FBXL17: variants seen among roughly 807,000 people sequenced by gnomAD.
FBXL17 encodes F-box/LRR-repeat protein 17.
Under a neutral mutation model 66.2 loss-of-function variants are expected in FBXL17, and 22 were observed. That is an observed-to-expected ratio of 0.33 (90% CI 0.24 to 0.47). The LOEUF (loss-of-function observed/expected upper bound fraction) is 0.47. Ranked by LOEUF, FBXL17 falls within the 20% of genes least tolerant of loss-of-function variation. FBXL17 has a pLI of 1.00. For synonymous variants in FBXL17, 474 were observed against 400.5 expected (o/e 1.18, Z -2.19); for missense variants, 878 against 948.2 (o/e 0.93, Z 0.97).
intron 8 of FBXL17, chr5:107,879,093 C>A (rs1748700363): frequency 2.0e-6 from 2 of 985,434 alleles, no homozygotes; most frequent in Non-Finnish European, 2.4e-6. Flanking sequence ...TGCTGGTCAG[C>A]AAATATGTCT....
intron 7 of FBXL17, among the ~76,000 whole-genome samples, chr5:108,004,038 C>A (rs564518838): frequency 2.6e-5 from 4 of 151,868 alleles, no homozygotes; most frequent in Admixed American, 6.6e-5. Context: ...AGAAAAGCTG[C>A]GCAACATTAA....
chr5:108,367,936 T>C lies in FBXL17; in HGVS notation c.1011A>G (p.Ser337=). The C allele has an allele frequency of 1.3e-6, 2 of 1,550,578 alleles. No homozygotes were observed. The highest frequency in any genetic ancestry group is 1.4e-5 in the African/African-American group (1 of 73,062). The stretch of plus-strand genomic sequence containing the variant: ...ATGCGGAAAGGCAACGCTCATCCAG[T>C]GACAAATTGGAAAATATCTGTGAAT... The part of the protein sequence containing the change: ...SILLKIFSNL[S]LDERCLSASL... The change falls in exon 2 of 9, where the codon TCA becomes TCG. Residue 337 remains serine, a synonymous_variant. Coordinates refer to ENST00000542267, the MANE Select transcript of FBXL17 (RefSeq NM_001163315.3).
Position 108,009,308 on chromosome 5 carries a change from T to TATATACACAC in FBXL17, c.1822+11616_1822+11617insGTGTGTATAT. Among the ~76,000 whole-genome samples, 225 of 42,194 alleles carry TATATACACAC rather than the reference T, an allele frequency of 5.3e-3. 29 individuals are homozygous for TATATACACAC. Among genetic ancestry groups the TATATACACAC allele is most frequent in the African/African-American group, 0.015 (165 of 11,316 alleles). The allele number at this position is 42,194 out of a possible 152,430, so 27.7% of individuals were successfully genotyped here. A position where few individuals can be genotyped will look rare whatever the true frequency, so the allele number is the denominator to read the frequency against. On this transcript the variant is annotated intron_variant, in intron 7 of 8. Transcript: ENST00000542267. Reference sequence around the variant, plus strand: ...ATATATATATATATATATACATATATACATACACATATAGTTTTGCTTTTG... The same window carrying TATATACACAC: ...ATATATATATATATATATACATATATATATACACACACATACACATATAGTTTTGCTTTTG...
intron 5 of FBXL17, among the ~76,000 whole-genome samples, chr5:108,217,084 T>C (rs1287947452): frequency 6.6e-6 from 1 of 152,144 alleles, no homozygotes; most frequent in Non-Finnish European, 1.5e-5. Context: ...AGCCCGATTG[T>C]TCCCAGGCCA....
chr5:107,967,994 T>C (rs1190818906), intron 7 of FBXL17, among the ~76,000 whole-genome samples: 1 of 152,158 alleles, frequency 6.6e-6, no homozygotes, highest in Non-Finnish European at 1.5e-5. Context: ...AAAAAGCTAT[T>C]CCAGTTATAC....
At chr5:108,187,052 T>G (rs1753267469) in intron 5 of FBXL17, among the ~76,000 whole-genome samples, 1 of 152,170 alleles carries the variant, frequency 6.6e-6, no homozygotes, top group South Asian at 2.1e-4. Context: ...TGTACTATTA[T>G]GGGTATGTGT....
chr5:108,103,851 C>T (rs542290818), intron 6 of FBXL17, among the ~76,000 whole-genome samples: 81 of 152,172 alleles, frequency 5.3e-4, no homozygotes, highest in African/African-American at 1.8e-3. Flanking sequence ...CTTCATTTAC[C>T]GTTTCTCTCA....
chr5:108,021,207 T>C (rs1038681441), intron 6 of FBXL17, among the ~76,000 whole-genome samples: 1 of 151,566 alleles, frequency 6.6e-6, no homozygotes, highest in Admixed American at 6.6e-5. Context: ...AGTGCATCTT[T>C]TAAAACCAAA....
intron 1 of FBXL17, 135 bp downstream of exon 1, chr5:108,380,564 T>C (rs1168007362): frequency 1.1e-5 from 5 of 465,832 alleles, no homozygotes; most frequent in African/African-American, 2.1e-5. Flanking sequence ...GGCTTCCCAG[T>C]CTCCCCTTGG....
At chr5:107,982,875 G>T (rs1466981893) in intron 7 of FBXL17, among the ~76,000 whole-genome samples, 7 of 152,138 alleles carry the variant, frequency 4.6e-5, no homozygotes, top group African/African-American at 1.4e-4. Context: ...CATGTTTCCT[G>T]GCTCTGACTA....
In FBXL17 at chr5:108,011,625, G is replaced by A. The variant is rs150942499; in HGVS notation, c.1822+9300C>T. On this transcript the variant is annotated intron_variant, in intron 7 of 8. Transcript: ENST00000542267. ...TCGAGACCAGCCTGGCCAACATTGTGAAACCCTGTCTCTACTAAAAATACA... is the reference window on the plus strand; with the variant it reads ...TCGAGACCAGCCTGGCCAACATTGTAAAACCCTGTCTCTACTAAAAATACA... 1.8e-3 allele frequency among the ~76,000 whole-genome samples: 274 copies of A among 152,048 alleles called. 2 individuals carry two copies. Among genetic ancestry groups the A allele is most frequent in the African/African-American group, 6.0e-3 (248 of 41,452 alleles).
chr5:108,046,645 T>A (rs1180689820), intron 6 of FBXL17, among the ~76,000 whole-genome samples: 1 of 152,224 alleles, frequency 6.6e-6, no homozygotes, highest in Non-Finnish European at 1.5e-5. Context: ...TATATATCTA[T>A]AATTTGTCAC....
intron 1 of FBXL17, 29 bp downstream of exon 1, chr5:108,380,670 G>A (rs1749786348): frequency 1.6e-6 from 2 of 1,239,992 alleles, no homozygotes; most frequent in Admixed American, 4.2e-5. Flanking sequence ...GGGAAAGCGA[G>A]CATCCCTGCG....
chr5:108,217,439 CT>C lies in FBXL17; in HGVS notation c.1614+6681del, dbSNP rs529294550. Among the ~76,000 whole-genome samples, 1,367 of 151,390 alleles carry C rather than the reference CT, an allele frequency of 9.0e-3. 21 individuals carry two copies. The highest frequency in any genetic ancestry group is 0.03 in the African/African-American group (1,240 of 41,334). On this transcript the variant is annotated intron_variant, in intron 5 of 8. Transcript: ENST00000542267. ...ACCCTCTGAGCTGTAACACCGGCAA[CT>C]TTTTTTTTGATCAGTGTGACTAGAG...
intron 7 of FBXL17, among the ~76,000 whole-genome samples, chr5:108,001,651 C>A (rs1388688776): frequency 2.0e-5 from 3 of 152,000 alleles, no homozygotes; most frequent in Non-Finnish European, 4.4e-5. Context: ...CAGGCGCCTG[C>A]CAGCACACCC....
At chr5:107,887,056 T>C (rs576086107) in intron 7 of FBXL17, among the ~76,000 whole-genome samples, 7 of 152,202 alleles carry the variant, frequency 4.6e-5, no homozygotes, top group Non-Finnish European at 1.0e-4. Flanking sequence ...ATAAGACCTG[T>C]AGTTCACTTA....
intron 7 of FBXL17, among the ~76,000 whole-genome samples, chr5:107,946,831 A>T (rs970795606): frequency 2.6e-5 from 4 of 152,148 alleles, no homozygotes; most frequent in Non-Finnish European, 5.9e-5. Flanking sequence ...TATGGAGAAA[A>T]ATACCCATGA....
intron 7 of FBXL17, among the ~76,000 whole-genome samples, chr5:108,016,006 G>T (rs1016641417): frequency 6.6e-6 from 1 of 152,160 alleles, no homozygotes; most frequent in Non-Finnish European, 1.5e-5. Flanking sequence ...ACATCTGTAT[G>T]TAGTACATGG....
intron 6 of FBXL17, among the ~76,000 whole-genome samples, chr5:108,074,551 T>G (rs546976383): frequency 6.2e-4 from 95 of 152,130 alleles, no homozygotes; most frequent in Non-Finnish European, 1.1e-3. Flanking sequence ...CTACTCTTTC[T>G]TCCTCTTTGC....
Sources: allele counts gnomAD v4.1 joint callset (sites outside exome capture counted in the v4.1 genomes callset), GRCh38; gene constraint gnomAD v4.1.1; transcripts MANE v1.5; gene names NCBI Gene and HGNC (gene_info 2026-07-23, HGNC 2026-07-21).